LOC122539214: variants seen among roughly 807,000 people sequenced by gnomAD.
At chr19:52,656,404 A>G in the LOC122539214 span, among the ~76,000 whole-genome samples, 85 of 152,130 alleles carry the variant, frequency 5.6e-4, 1 homozygote, top group African/African-American at 1.9e-3. Flanking sequence ...ATGTGCCTGT[A>G]ATCCCAGCTA....
At chr19:52,689,178 C>T in the LOC122539214 span, among the ~76,000 whole-genome samples, 4 of 152,102 alleles carry the variant, frequency 2.6e-5, no homozygotes, top group African/African-American at 7.2e-5. Context: ...TTTGTAAGGC[C>T]ACTTATAAAA....
At chr19:52,658,751 C>G in the LOC122539214 span, among the ~76,000 whole-genome samples, 2 of 151,866 alleles carry the variant, frequency 1.3e-5, no homozygotes, top group African/African-American at 4.8e-5. Flanking sequence ...CCCAGTTAAG[C>G]CTGTTTACCC....
the LOC122539214 span, chr19:52,655,232 G>T: frequency 3.8e-6 from 1 of 263,268 alleles, no homozygotes; most frequent in Non-Finnish European, 7.1e-6. Context: ...GGAAACACTT[G>T]TCAGTCACTG....
chr19:52,656,868 A>AAAG, the LOC122539214 span, among the ~76,000 whole-genome samples: 1 of 33,346 alleles, frequency 3.0e-5, no homozygotes, highest in Non-Finnish European at 5.0e-5. Flanking sequence ...CCGTCTCAAA[A>AAAG]AAAAAAAAAA....
At chr19:52,666,426 A>G in the LOC122539214 span, among the ~76,000 whole-genome samples, 9 of 152,246 alleles carry the variant, frequency 5.9e-5, no homozygotes, top group Admixed American at 4.6e-4. Context: ...ACAATGGCAT[A>G]TCCTGAAAGC....
the LOC122539214 span, among the ~76,000 whole-genome samples, chr19:52,690,182 GAAAA>G: frequency 7.6e-6 from 1 of 132,188 alleles, no homozygotes; most frequent in African/African-American, 2.8e-5. Flanking sequence ...ATGATTTTGA[GAAAA>G]AAAAAAAAAA....
At chr19:52,687,614 G>GTATATATATATATAA in the LOC122539214 span, among the ~76,000 whole-genome samples, 5 of 11,626 alleles carry the variant, frequency 4.3e-4, 2 homozygotes, top group African/African-American at 5.2e-3. Flanking sequence ...TATATATAAT[G>GTATATATATATATAA]TGTATATATA....
At chr19:52,685,995 C>G in the LOC122539214 span, among the ~76,000 whole-genome samples, 1 of 151,874 alleles carries the variant, frequency 6.6e-6, no homozygotes, top group Admixed American at 6.6e-5. Flanking sequence ...TCCAAACGCA[C>G]CAGAGGGCCT....
the LOC122539214 span, among the ~76,000 whole-genome samples, chr19:52,689,588 G>A: frequency 2.6e-5 from 4 of 152,076 alleles, no homozygotes; most frequent in Admixed American, 2.6e-4. Flanking sequence ...TGTACATCCA[G>A]CTTTTCTCTA....
chr19:52,677,928 G>A, the LOC122539214 span, among the ~76,000 whole-genome samples: 46,093 of 151,316 alleles, frequency 0.3, 7,560 homozygotes, highest in East Asian at 0.53. Context: ...CCAGCTGCTC[G>A]GGAGGCTGAG....
At chr19:52,652,108 G>T in the LOC122539214 span, 21 of 237,678 alleles carry the variant, frequency 8.8e-5, no homozygotes, top group South Asian at 1.3e-3. Flanking sequence ...GTCCAGTATA[G>T]ATTCCCTGAT....
the LOC122539214 span, chr19:52,653,339 T>G: frequency 4.4e-5 from 55 of 1,246,388 alleles, no homozygotes; most frequent in Non-Finnish European, 6.0e-5. Context: ...GTATGAACTC[T>G]CTGATGTTGT....
At chr19:52,655,487 A>G in the LOC122539214 span, 1 of 1,327,722 alleles carries the variant, frequency 7.5e-7, no homozygotes, top group Non-Finnish European at 1.1e-6. Flanking sequence ...AAATCACAAA[A>G]GAGAATACAA....
At chr19:52,666,404 T>C in the LOC122539214 span, among the ~76,000 whole-genome samples, 2 of 152,164 alleles carry the variant, frequency 1.3e-5, no homozygotes, top group Admixed American at 6.5e-5. Flanking sequence ...TACCACCCTG[T>C]TGTCAGTGTA....
chr19:52,661,885 C>T, the LOC122539214 span, among the ~76,000 whole-genome samples: 1 of 150,548 alleles, frequency 6.6e-6, no homozygotes, highest in African/African-American at 2.4e-5. Context: ...GGAAGAAAGG[C>T]TGCTTGTCAC....
the LOC122539214 span, among the ~76,000 whole-genome samples, chr19:52,677,306 T>TAAAAAAAAAAAAAAAAAAAAAA: frequency 9.4e-6 from 1 of 106,462 alleles, no homozygotes; most frequent in Non-Finnish European, 2.0e-5. Context: ...AATTGAGAAG[T>TAAAAAAAAAAAAAAAAAAAAAA]AAAAAAAAAA....
the LOC122539214 span, among the ~76,000 whole-genome samples, chr19:52,685,907 A>T: frequency 9.9e-5 from 4 of 40,420 alleles, no homozygotes; most frequent in South Asian, 6.6e-4. Context: ...CAAAAAAAAA[A>T]AAAAAAAAAA....
chr19:52,676,036 G>A, the LOC122539214 span, among the ~76,000 whole-genome samples: 1 of 151,064 alleles, frequency 6.6e-6, no homozygotes, highest in Non-Finnish European at 1.5e-5. Flanking sequence ...TAACAATACA[G>A]CTCTCGCTCT....
At chr19:52,670,813 G>A in the LOC122539214 span, among the ~76,000 whole-genome samples, 1 of 152,162 alleles carries the variant, frequency 6.6e-6, no homozygotes, top group Non-Finnish European at 1.5e-5. Context: ...GAGCTTCCAG[G>A]CTACAGGTAA....
Sources: gnomAD v4.1 joint callset for allele counts (sites outside exome capture counted in the v4.1 genomes callset) on GRCh38, gnomAD v4.1.1 for gene constraint, MANE v1.5 for transcripts.